Variants in CAST observed in about 807,000 individuals in gnomAD.
CAST encodes calpastatin.
In CAST, 76 loss-of-function variants were observed where a neutral mutation model predicts 119.6. The ratio of observed to expected loss-of-function variants is 0.64; its 90% CI spans 0.53 to 0.77. CAST has a LOEUF of 0.77. Ranked by LOEUF, CAST falls within the 30% of genes least tolerant of loss-of-function variation. CAST has a pLI of 0.00. For synonymous variants in CAST, 319 were observed against 331.6 expected (o/e 0.96, Z 0.41); for missense variants, 953 against 946.5 (o/e 1.01, Z -0.09).
intron 1 of CAST, among the ~76,000 whole-genome samples, chr5:96,673,465 T>C (rs767037213): frequency 6.6e-6 from 1 of 152,226 alleles, no homozygotes; most frequent in African/African-American, 2.4e-5. Context: ...TGGCTACAAC[T>C]AGGCATTTGC....
chr5:96,759,952 A>G (rs1767361000), intron 24 of CAST, among the ~76,000 whole-genome samples: 1 of 152,062 alleles, frequency 6.6e-6, no homozygotes, highest in African/African-American at 2.4e-5. Flanking sequence ...TTCTAAGATT[A>G]AACAAAAATA....
the CAST span, among the ~76,000 whole-genome samples, chr5:96,033,657 A>T: frequency 8.3e-3 from 1,268 of 152,276 alleles, 11 homozygotes; most frequent in Non-Finnish European, 0.013. Context: ...ATCAGAGTGG[A>T]TTAAAGACTT....
chr5:96,432,783 G>T, the CAST span: 2 of 1,170,446 alleles, frequency 1.7e-6, no homozygotes, highest in Non-Finnish European at 2.6e-6. Flanking sequence ...GCAACCTGGG[G>T]CTCCCACTTG....
chr5:96,069,316 C>G, the CAST span, among the ~76,000 whole-genome samples: 2 of 150,040 alleles, frequency 1.3e-5, no homozygotes, highest in Non-Finnish European at 3.0e-5. Context: ...AAGAAACTGG[C>G]TTATGTGATT....
At chr5:96,422,392 G>C in the CAST span, among the ~76,000 whole-genome samples, 1 of 152,112 alleles carries the variant, frequency 6.6e-6, no homozygotes, top group Admixed American at 6.6e-5. Flanking sequence ...CTGAGGGTGG[G>C]ACTCAGGTCC....
chr5:96,534,900 G>T (rs1451784047), intron 1 of CAST, among the ~76,000 whole-genome samples: 2 of 147,522 alleles, frequency 1.4e-5, no homozygotes, highest in African/African-American at 5.0e-5. Flanking sequence ...AAGAAGGAAA[G>T]AAGGAAGGAA....
the CAST span, among the ~76,000 whole-genome samples, chr5:96,424,013 T>C: frequency 9.8e-5 from 15 of 152,318 alleles, no homozygotes; most frequent in African/African-American, 3.4e-4. Flanking sequence ...AGGGGGTAAG[T>C]GTCTGTGAGA....
At chr5:96,240,038 T>C in the CAST span, among the ~76,000 whole-genome samples, 1 of 152,246 alleles carries the variant, frequency 6.6e-6, no homozygotes, top group African/African-American at 2.4e-5. Context: ...AAGTTTCTAA[T>C]ATTTACCTCC....
the CAST span, among the ~76,000 whole-genome samples, chr5:96,127,671 A>C: frequency 6.6e-6 from 1 of 152,062 alleles, no homozygotes; most frequent in Non-Finnish European, 1.5e-5. Flanking sequence ...TTCCTTTAAA[A>C]ATTTTTTTCC....
intron 1 of CAST, among the ~76,000 whole-genome samples, chr5:96,587,797 T>C (rs1746885313): frequency 1.3e-5 from 2 of 152,256 alleles, no homozygotes; most frequent in South Asian, 4.1e-4. Flanking sequence ...GTAATAGTAT[T>C]CTTTATTTTT....
chr5:96,295,663 TA>T, the CAST span, among the ~76,000 whole-genome samples: 1 of 152,282 alleles, frequency 6.6e-6, no homozygotes, highest in Non-Finnish European at 1.5e-5. Context: ...TCAGATAATA[TA>T]ACTGGGGATT....
upstream of CAST, among the ~76,000 whole-genome samples, chr5:96,524,515 T>C (rs1230200810): frequency 6.6e-6 from 1 of 152,198 alleles, no homozygotes; most frequent in Non-Finnish European, 1.5e-5. Context: ...CTTGGCACTC[T>C]GGGACACCCA....
the CAST span, among the ~76,000 whole-genome samples, chr5:96,067,342 T>A: frequency 6.6e-6 from 1 of 152,172 alleles, no homozygotes; most frequent in Non-Finnish European, 1.5e-5. Flanking sequence ...AGTAAATACA[T>A]GTTTTAAATA....
chr5:96,605,832 A>G (rs1747243141), intron 1 of CAST, among the ~76,000 whole-genome samples: 1 of 152,218 alleles, frequency 6.6e-6, no homozygotes, highest in Non-Finnish European at 1.5e-5. Context: ...AGTGGACTAT[A>G]GAGAGAGAGT....
intron 1 of CAST, among the ~76,000 whole-genome samples, chr5:96,628,901 G>T (rs1057419602): frequency 4.6e-5 from 7 of 152,184 alleles, no homozygotes; most frequent in African/African-American, 1.7e-4. Flanking sequence ...TTTGCAGGAT[G>T]TGTGGCAATT....
At chr5:96,068,139 A>T in the CAST span, among the ~76,000 whole-genome samples, 1 of 152,160 alleles carries the variant, frequency 6.6e-6, no homozygotes, top group Non-Finnish European at 1.5e-5. Context: ...GTGCACATCT[A>T]GACACATCTT....
the CAST span, among the ~76,000 whole-genome samples, chr5:96,144,947 C>A: frequency 6.6e-6 from 1 of 152,152 alleles, no homozygotes; most frequent in African/African-American, 2.4e-5. Flanking sequence ...CGGGTATGCT[C>A]CTCACCCTCT....
intron 6 of CAST, chr5:96,728,550 C>G (rs1488906518): frequency 2.0e-5 from 3 of 151,660 alleles, no homozygotes; most frequent in Non-Finnish European, 4.4e-5. Flanking sequence ...CATCTTGGCT[C>G]ACTGCAAGCT....
At chr5:96,099,670 G>A in the CAST span, among the ~76,000 whole-genome samples, 3 of 152,206 alleles carry the variant, frequency 2.0e-5, no homozygotes, top group South Asian at 6.2e-4. Context: ...TCCCAAGGAT[G>A]AAGCCTACTT....
Sources: allele counts gnomAD v4.1 joint callset (sites outside exome capture counted in the v4.1 genomes callset), GRCh38; gene constraint gnomAD v4.1.1; transcripts MANE v1.5; gene names NCBI Gene and HGNC (gene_info 2026-07-23, HGNC 2026-07-21).